Variants in GALNT13 observed in about 807,000 individuals in gnomAD.
GALNT13 encodes the protein UDP-GalNAc:polypeptide N-acetylgalactosaminyltransferase 13.
A neutral mutation model predicts 64.2 loss-of-function variants in GALNT13; 28 were observed. The observed-to-expected ratio is 0.44, with a 90% CI of 0.32 to 0.60. GALNT13 has a LOEUF of 0.60. Among genes scored for constraint, GALNT13 ranks in the 20% least tolerant of loss-of-function variants. GALNT13 has a pLI of 0.05. For missense variants in GALNT13, 577 were observed against 669.8 expected (o/e 0.86, Z 1.53); for synonymous variants, 214 against 224.6 (o/e 0.95, Z 0.42).
At chr2:153,879,273 A>G (rs535567602) in intron 1 of GALNT13, among the ~76,000 whole-genome samples, 1 of 152,260 alleles carries the variant, frequency 6.6e-6, no homozygotes, top group South Asian at 2.1e-4. Context: ...AGTCACAGAA[A>G]GGTTAAGTAA....
chr2:153,316,785 A>G, the GALNT13 span, among the ~76,000 whole-genome samples: 1,365 of 152,278 alleles, frequency 9.0e-3, 23 homozygotes, highest in African/African-American at 0.031. Flanking sequence ...AAGAAGAACA[A>G]ATTAATAATA....
chr2:154,176,886 A>G (rs1340877018), intron 4 of GALNT13, among the ~76,000 whole-genome samples: 1 of 152,154 alleles, frequency 6.6e-6, no homozygotes, highest in Non-Finnish European at 1.5e-5. Context: ...GCCCAAATTT[A>G]TGGTTTTGGT....
At chr2:153,590,354 C>G in the GALNT13 span, among the ~76,000 whole-genome samples, 2 of 152,046 alleles carry the variant, frequency 1.3e-5, no homozygotes, top group African/African-American at 4.8e-5. Flanking sequence ...AATCTCCCAA[C>G]AAAGTAAAGT....
the GALNT13 span, among the ~76,000 whole-genome samples, chr2:153,108,361 A>G: frequency 6.6e-6 from 1 of 152,072 alleles, no homozygotes; most frequent in African/African-American, 2.4e-5. Context: ...GGGTGCTGTG[A>G]ATATGATGGG....
the GALNT13 span, among the ~76,000 whole-genome samples, chr2:153,249,400 T>A: frequency 1.3e-5 from 2 of 152,038 alleles, no homozygotes; most frequent in African/African-American, 4.8e-5. Flanking sequence ...TGGGAAAAAA[T>A]TTCATGCTCA....
the GALNT13 span, among the ~76,000 whole-genome samples, chr2:153,177,445 T>G: frequency 6.6e-6 from 1 of 152,200 alleles, no homozygotes; most frequent in African/African-American, 2.4e-5. Flanking sequence ...ATAATACAGT[T>G]AAAAGTAACT....
intron 3 of GALNT13, among the ~76,000 whole-genome samples, chr2:154,102,574 A>G (rs1702404073): frequency 1.3e-5 from 2 of 152,128 alleles, no homozygotes; most frequent in Admixed American, 1.3e-4. Flanking sequence ...GGTGCAGTGT[A>G]CACTGTCTGG....
chr2:154,127,838 C>T (rs985573723), intron 3 of GALNT13, among the ~76,000 whole-genome samples: 24 of 150,638 alleles, frequency 1.6e-4, no homozygotes, highest in Non-Finnish European at 3.3e-4. Flanking sequence ...AAATATAAAC[C>T]TGCATTCATA....
At chr2:154,046,702 T>C (rs1699306974) in intron 3 of GALNT13, among the ~76,000 whole-genome samples, 1 of 151,952 alleles carries the variant, frequency 6.6e-6, no homozygotes, top group South Asian at 2.1e-4. Context: ...CTCAACAGGG[T>C]GGGGCCCTAA....
At chr2:154,321,953 G>C (rs760539307) in intron 9 of GALNT13, among the ~76,000 whole-genome samples, 7 of 151,818 alleles carry the variant, frequency 4.6e-5, no homozygotes, top group Non-Finnish European at 8.8e-5. Flanking sequence ...CTGAAAATCT[G>C]ATAAAGTCTG....
intron 3 of GALNT13, among the ~76,000 whole-genome samples, chr2:154,059,110 C>T (rs1700044218): frequency 6.6e-6 from 1 of 152,182 alleles, no homozygotes; most frequent in East Asian, 1.9e-4. Context: ...TCAAGGATGA[C>T]TCCAGGATTT....
intron 9 of GALNT13, among the ~76,000 whole-genome samples, chr2:154,335,122 C>G (rs1203689442): frequency 6.6e-6 from 1 of 151,950 alleles, no homozygotes; most frequent in South Asian, 2.1e-4. Flanking sequence ...TTTCATTCTA[C>G]ACCCTACTTT....
At chr2:153,774,301 G>A in the GALNT13 span, among the ~76,000 whole-genome samples, 1 of 151,854 alleles carries the variant, frequency 6.6e-6, no homozygotes, top group Admixed American at 6.6e-5. Flanking sequence ...TATAGGTGAT[G>A]TTTCTTTTCT....
At chr2:154,003,415 T>C (rs189599460) in intron 3 of GALNT13, among the ~76,000 whole-genome samples, 2 of 152,184 alleles carry the variant, frequency 1.3e-5, no homozygotes, top group Non-Finnish European at 2.9e-5. Flanking sequence ...GCTTCTGTCA[T>C]TTTTGTGGCT....
the GALNT13 span, among the ~76,000 whole-genome samples, chr2:153,362,361 C>G: frequency 6.6e-6 from 1 of 152,006 alleles, no homozygotes; most frequent in African/African-American, 2.4e-5. Flanking sequence ...ATGACAGGAT[C>G]AAATTCACAC....
At chr2:153,487,729 A>C in the GALNT13 span, among the ~76,000 whole-genome samples, 1 of 152,252 alleles carries the variant, frequency 6.6e-6, no homozygotes, top group Non-Finnish European at 1.5e-5. Context: ...TGCCAAATGC[A>C]CCAAGGCATG....
At chr2:153,272,739 C>A in the GALNT13 span, among the ~76,000 whole-genome samples, 3 of 152,060 alleles carry the variant, frequency 2.0e-5, no homozygotes, top group African/African-American at 4.8e-5. Context: ...CCAGAAATAC[C>A]ATTTGACCCC....
chr2:153,444,145 A>T, the GALNT13 span, among the ~76,000 whole-genome samples: 1 of 152,016 alleles, frequency 6.6e-6, no homozygotes, highest in East Asian at 1.9e-4. Context: ...TTATTCATCT[A>T]TCTACCTATC....
intron 3 of GALNT13, among the ~76,000 whole-genome samples, chr2:154,100,179 T>A (rs1306850601): frequency 6.6e-6 from 1 of 152,134 alleles, no homozygotes; most frequent in East Asian, 1.9e-4. Flanking sequence ...TAAAATTTCT[T>A]TGGCCATTTG....
Sources: gnomAD v4.1 joint callset for allele counts (sites outside exome capture counted in the v4.1 genomes callset) on GRCh38, gnomAD v4.1.1 for gene constraint, MANE v1.5 for transcripts, NCBI Gene and HGNC (gene_info 2026-07-23, HGNC 2026-07-21) for gene names.